Variants in SYNJ1 observed in about 807,000 individuals in gnomAD.
SYNJ1 encodes the protein synaptojanin 1, also known as polyphosphatidylinositol phosphatase SYNJ1.
Under a neutral mutation model 168.2 loss-of-function variants are expected in SYNJ1, and 78 were observed. The observed-to-expected ratio is 0.46, with a 90% CI of 0.39 to 0.56. The LOEUF is 0.56. Ranked by LOEUF, SYNJ1 falls within the 20% of genes least tolerant of loss-of-function variation. SYNJ1 has a pLI of 0.00. For missense variants in SYNJ1, 1,303 were observed against 1,597.6 expected (o/e 0.82, Z 3.14); for synonymous variants, 539 against 548.6 (o/e 0.98, Z 0.24).
At chr21:32,676,389 T>C in intron 12 of SYNJ1, 34 bp from the exon 13 acceptor site, 2 of 1,601,124 alleles carry the variant, frequency 1.2e-6, no homozygotes, top group Non-Finnish European at 1.7e-6. Context: ...CAAAGAATCA[T>C]TAGTAAAAAC....
intron 2 of SYNJ1, 99 bp downstream of exon 2, chr21:32,726,673 G>C (rs968205826): frequency 6.9e-7 from 1 of 1,447,756 alleles, no homozygotes; most frequent in African/African-American, 1.4e-5. Context: ...GAAATACAGT[G>C]AAAGGGTTGT....
intron 2 of SYNJ1, among the ~76,000 whole-genome samples, chr21:32,707,922 CAGG>C (rs1019813651): frequency 6.6e-6 from 1 of 152,148 alleles, no homozygotes; most frequent in Non-Finnish European, 1.5e-5. Context: ...GAGGCTGAGG[CAGG>C]AGAACTGCTT....
chr21:32,641,561 T>C (rs943719070), intron 29 of SYNJ1, among the ~76,000 whole-genome samples: 1 of 152,172 alleles, frequency 6.6e-6, no homozygotes, highest in Non-Finnish European at 1.5e-5. Context: ...TAATGAAGGA[T>C]TACTTTATAT....
At chr21:32,666,790 T>C (rs2040951627) in intron 15 of SYNJ1, among the ~76,000 whole-genome samples, 1 of 152,128 alleles carries the variant, frequency 6.6e-6, no homozygotes, top group African/African-American at 2.4e-5. Flanking sequence ...AAAGAAAATA[T>C]AAAGACATTA....
In SYNJ1 at chr21:32,665,014, T is replaced by C; in HGVS notation, c.2203A>G (p.Ile735Val). 1 of 1,613,590 alleles carries C rather than the reference T, an allele frequency of 6.2e-7. No homozygotes were observed. Among genetic ancestry groups the C allele is most frequent in the Non-Finnish European group, 8.5e-7 (1 of 1,179,648 alleles). ...TTAACTTCTTCGTTAGGGAGATCGA[T>C]TCGATAGTTGAAATCACCACACCAA... ...VFWCGDFNYR[I>V]DLPNEEVKEL... is the part of the protein sequence containing the mutation. Residue 735 changes from isoleucine to valine, a missense_variant, in exon 18 of 33, where the codon ATC (isoleucine) becomes GTC (valine). Ile to Val is a conservative substitution (Grantham distance 29). Coordinates refer to ENST00000674351, the MANE Select transcript of SYNJ1 (RefSeq NM_203446.3).
chr21:32,721,331 A>T (rs534287804), intron 2 of SYNJ1, among the ~76,000 whole-genome samples: 72 of 152,390 alleles, frequency 4.7e-4, no homozygotes, highest in African/African-American at 1.6e-3. Context: ...AAGTGTTTTA[A>T]ATAAATCAAT....
At chr21:32,670,572 T>G (rs571755949) in intron 14 of SYNJ1, among the ~76,000 whole-genome samples, 200 bp from the exon 15 acceptor site, 1 of 152,306 alleles carries the variant, frequency 6.6e-6, no homozygotes, top group African/African-American at 2.4e-5. Flanking sequence ...TAAGTTTGCT[T>G]CTTTAAGACG....
chr21:32,663,766 G>A (rs1364817649), intron 18 of SYNJ1, among the ~76,000 whole-genome samples: 1 of 152,208 alleles, frequency 6.6e-6, no homozygotes, highest in Admixed American at 6.5e-5. Context: ...ACGGTTACAA[G>A]CTGTCTTAGA....
chr21:32,635,120 G>A lies in SYNJ1; in HGVS notation c.3916-236C>T, dbSNP rs112514062. 6.6e-5 allele frequency among the ~76,000 whole-genome samples: 10 copies of A among 152,282 alleles called. 1 individual carries two copies. The highest frequency in any genetic ancestry group is 2.4e-4 in the African/African-American group (10 of 41,566). On this transcript the variant is annotated intron_variant, in intron 31 of 32. Transcript: ENST00000674351. ...CTGAGGTTGATTACTAACCAGTTCAGTTTTGTTATTCCAAAAATAATACTC... is the reference window on the plus strand; with the variant it reads ...CTGAGGTTGATTACTAACCAGTTCAATTTTGTTATTCCAAAAATAATACTC...
In SYNJ1 at chr21:32,697,570, G is replaced by T. The variant is rs118025352; in HGVS notation, c.479+2268C>A. Among the ~76,000 whole-genome samples, 235 of 151,970 alleles carry T rather than the reference G, an allele frequency of 1.5e-3. 5 individuals carry two copies. The East Asian group carries it at 0.023, about 15-fold the overall frequency. On this transcript the variant is annotated intron_variant, in intron 4 of 32. Transcript: ENST00000674351. Reference sequence around the variant, plus strand: ...TCCTAGCACTTTGGGAGGCTAAGGTGGGGGGGATCACTTGAGGTCAGGAGT... The same window carrying T: ...TCCTAGCACTTTGGGAGGCTAAGGTTGGGGGGATCACTTGAGGTCAGGAGT...
At chr21:32,691,951 C>T (rs190430740) in intron 6 of SYNJ1, among the ~76,000 whole-genome samples, 119 of 152,244 alleles carry the variant, frequency 7.8e-4, no homozygotes, top group Admixed American at 4.4e-3. Flanking sequence ...CTGAGTAAAC[C>T]AGATCATAAG....
intron 2 of SYNJ1, among the ~76,000 whole-genome samples, chr21:32,723,981 G>C (rs138307097): frequency 2.2e-3 from 331 of 152,162 alleles, no homozygotes; most frequent in African/African-American, 7.7e-3. Context: ...GGGACTGACA[G>C]GCTCAGATTA....
chr21:32,653,282 C>A lies in SYNJ1; in HGVS notation c.2874+6G>T. 1.2e-6 allele frequency: 2 copies of A among 1,610,054 alleles called. No homozygotes were observed. Among genetic ancestry groups the A allele is most frequent in the Non-Finnish European group, 1.7e-6 (2 of 1,176,754 alleles). ...AATGGTTTAGAATCAACAAATGCTA[C>A]CTTACCTCTTTACCATTTAGGCTCA... On this transcript the variant is annotated splice_donor_region_variant and intron_variant, in intron 22 of 32. Transcript: ENST00000674351.
At chr21:32,715,980 T>C (rs923410770) in intron 2 of SYNJ1, among the ~76,000 whole-genome samples, 3 of 152,210 alleles carry the variant, frequency 2.0e-5, no homozygotes, top group African/African-American at 4.8e-5. Context: ...AGCTATGAAA[T>C]GCAACCCAAT....
At chr21:32,701,880 C>G (rs2042415653) in intron 3 of SYNJ1, 81 bp downstream of exon 3, 2 of 1,018,880 alleles carry the variant, frequency 2.0e-6, no homozygotes, top group Admixed American at 4.7e-5. Context: ...TACAATAATT[C>G]ATAGCTAGTC....
chr21:32,644,423 TAA>T (rs2039978453), intron 26 of SYNJ1, among the ~76,000 whole-genome samples: 1 of 152,264 alleles, frequency 6.6e-6, no homozygotes, highest in South Asian at 2.1e-4. Flanking sequence ...ACTGGATTTG[TAA>T]AAGTTCTTCT....
Position 32,639,729 on chromosome 21 carries a change from C to T in SYNJ1, c.3639G>A (p.Arg1213=), listed in dbSNP as rs745882722. Residue 1213 remains arginine, a synonymous_variant, in exon 30 of 33, where the codon CGG becomes CGA. Coordinates refer to ENST00000674351, the MANE Select transcript of SYNJ1 (RefSeq NM_203446.3). ...GVISAPQSHA[R]ASAGRLTPES... ...CAGGAGTCAGTCTTCCAGCAGATGC[C>T]CGCGCGTGGCTCTGTGGGGCACTGA... 8.1e-6 allele frequency: 13 copies of T among 1,613,960 alleles called. No individual in the cohort carries two copies. The highest frequency in any genetic ancestry group is 6.7e-5 in the Admixed American group (4 of 59,990).
At chr21:32,662,225 G>A (rs980537704) in intron 18 of SYNJ1, among the ~76,000 whole-genome samples, 2 of 152,132 alleles carry the variant, frequency 1.3e-5, no homozygotes, top group Admixed American at 6.5e-5. Context: ...ACGCACGGCC[G>A]AGGCATGAGG....
At chr21:32,718,093 C>T (rs2043088143) in intron 2 of SYNJ1, among the ~76,000 whole-genome samples, 1 of 152,174 alleles carries the variant, frequency 6.6e-6, no homozygotes, top group African/African-American at 2.4e-5. Context: ...GTTCCTGTTA[C>T]TCCACTATGG....
Sources: allele counts gnomAD v4.1 joint callset (sites outside exome capture counted in the v4.1 genomes callset), GRCh38; gene constraint gnomAD v4.1.1; transcripts MANE v1.5; gene names NCBI Gene and HGNC (gene_info 2026-07-23, HGNC 2026-07-21).